The following NHS variants were observed in gnomAD, a reference collection of about 807,000 sequenced individuals.
NHS encodes the protein actin remodeling regulator NHS.
NHS carries 5 observed loss-of-function variants against 72.5 expected under a neutral mutation model. That is an observed-to-expected ratio of 0.07 (90% CI 0.04 to 0.14). NHS has a LOEUF of 0.14. NHS is among the 10% of genes least tolerant of loss of function. The probability of loss-of-function intolerance (pLI) is 1.00; values close to 1 mark genes in which losing one functional copy is unlikely to be tolerated. For missense variants in NHS, 1,072 were observed against 1,355.7 expected (o/e 0.79, Z 3.29); for synonymous variants, 464 against 547.7 (o/e 0.85, Z 2.13).
intron 3 of NHS, among the ~76,000 whole-genome samples, chrX:17,698,514 A>G (rs1394993347): frequency 8.9e-6 from 1 of 111,782 alleles, no homozygotes; most frequent in Non-Finnish European, 1.9e-5. Context: ...GAATTCTACT[A>G]AACCTTCAAA....
intron 1 of NHS, among the ~76,000 whole-genome samples, chrX:17,470,042 A>T (rs1028437801): frequency 3.6e-5 from 4 of 111,451 alleles, no homozygotes; most frequent in African/African-American, 1.3e-4. Flanking sequence ...AGGCCTACAC[A>T]GCAGACTGGG....
chrX:17,674,235 A>T (rs1172025468), intron 1 of NHS, among the ~76,000 whole-genome samples: 1 of 111,697 alleles, frequency 9.0e-6, no homozygotes, highest in East Asian at 2.8e-4. Context: ...GCGACCCTCT[A>T]GAATCAGTTG....
chrX:17,472,339 C>T (rs2064895893), intron 1 of NHS, among the ~76,000 whole-genome samples: 1 of 110,133 alleles, frequency 9.1e-6, no homozygotes, highest in African/African-American at 3.3e-5. Context: ...CAGAGAGAGA[C>T]AGAGACAGAG....
rs1162718106 is a variant in NHS, at chrX:17,732,164, C to T, written c.4656C>T (p.Leu1552=). Residue 1552 remains leucine (L), a synonymous_variant, in exon 9 of 9, where the codon CTC becomes CTT. Transcript: ENST00000676302. ...SPILPKPPGE[L]TAESPQSTDD... ...TACTGCCCAAACCTCCTGGGGAGCT[C>T]ACAGCAGAGTCCCCTCAGAGCACCG... 5.0e-6 allele frequency: 6 copies of T among 1,211,955 alleles called. No individual in the cohort carries two copies. The highest frequency in any genetic ancestry group is 5.6e-6 in the Non-Finnish European group (5 of 895,483).
At chrX:17,408,181 T>A (rs1441475519) in intron 1 of NHS, among the ~76,000 whole-genome samples, 2 of 110,667 alleles carry the variant, frequency 1.8e-5, no homozygotes, top group East Asian at 5.7e-4. Flanking sequence ...AATTTTTGTA[T>A]TTTTTGTAGA....
At chrX:17,577,273 G>A (rs1036040564) in intron 1 of NHS, among the ~76,000 whole-genome samples, 5 of 111,890 alleles carry the variant, frequency 4.5e-5, no homozygotes, top group African/African-American at 1.6e-4. Context: ...AATTATGATG[G>A]ATCCATTCAA....
chrX:17,568,520 C>CTTT (rs201549928), intron 1 of NHS, among the ~76,000 whole-genome samples: 3 of 97,900 alleles, frequency 3.1e-5, no homozygotes, highest in East Asian at 3.1e-4. Context: ...CTAAGTAAAT[C>CTTT]TTTTTTTTTT....
chrX:17,647,782 A>G (rs1296956161), intron 1 of NHS, among the ~76,000 whole-genome samples: 1 of 111,682 alleles, frequency 9.0e-6, no homozygotes, highest in Non-Finnish European at 1.9e-5. Flanking sequence ...GCTCTGAGCC[A>G]TTCACCTTGG....
At chrX:17,513,566 C>A (rs182587627) in intron 1 of NHS, among the ~76,000 whole-genome samples, 1 of 112,266 alleles carries the variant, frequency 8.9e-6, no homozygotes, top group Non-Finnish European at 1.9e-5. Context: ...CCACCCTAGA[C>A]CTCCTGAATC....
intron 1 of NHS, among the ~76,000 whole-genome samples, chrX:17,574,004 G>T (rs1601780801): frequency 9.0e-6 from 1 of 111,585 alleles, no homozygotes; most frequent in Admixed American, 9.5e-5. Flanking sequence ...GGTTTCACCA[G>T]CAGAAGCTGC....
rs189687959 is a variant in NHS at position 17,726,838 on chromosome X, A to G, written c.2732A>G (p.Glu911Gly). 149 of 1,210,313 alleles carry G rather than the reference A, an allele frequency of 1.2e-4. 1 individual carries two copies. The East Asian group carries it at 4.4e-3, about 35-fold the overall frequency. The part of the protein sequence containing the change: ...MENANLPTKQ[E>G]PSWINQSEQG... ...AACGCCAATCTTCCCACCAAGCAGG[A>G]ACCTTCTTGGATAAACCAGAGTGAA... The change falls in exon 7 of 9, where the codon GAA becomes GGA. Residue 911 changes from glutamate (E) to glycine (G), a missense_variant. Physicochemically the swap from Glu to Gly is moderately conservative, Grantham distance 98. Coordinates refer to ENST00000676302, the MANE Select transcript of NHS (RefSeq NM_001291867.2).
At chrX:17,498,240 CA>C (rs1380127854) in intron 1 of NHS, among the ~76,000 whole-genome samples, 1 of 111,991 alleles carries the variant, frequency 8.9e-6, no homozygotes, top group Non-Finnish European at 1.9e-5. Context: ...ACGCCACCAG[CA>C]GGGTATGAGA....
intron 1 of NHS, among the ~76,000 whole-genome samples, chrX:17,487,629 G>A (rs1373070019): frequency 1.8e-5 from 2 of 111,398 alleles, no homozygotes; most frequent in Admixed American, 1.9e-4. Flanking sequence ...CTATGTGTCT[G>A]GTTACAGGCT....
chrX:17,600,733 G>A (rs1378952869), intron 1 of NHS, among the ~76,000 whole-genome samples: 1 of 110,934 alleles, frequency 9.0e-6, no homozygotes, highest in Non-Finnish European at 1.9e-5. Context: ...AGTGAATGGT[G>A]AGTGGGGGAG....
At chrX:17,460,577 T>A (rs964741078) in intron 1 of NHS, among the ~76,000 whole-genome samples, 1 of 111,585 alleles carries the variant, frequency 9.0e-6, no homozygotes, top group African/African-American at 3.3e-5. Flanking sequence ...TCACCTCTTA[T>A]GCCCATTTAC....
intron 1 of NHS, among the ~76,000 whole-genome samples, chrX:17,685,297 G>A (rs2066155362): frequency 9.0e-6 from 1 of 111,667 alleles, no homozygotes; most frequent in Non-Finnish European, 1.9e-5. Context: ...TGAGTGAAAT[G>A]TTCACCTGCT....
chrX:17,509,492 G>A (rs1035362771), intron 1 of NHS, among the ~76,000 whole-genome samples: 1 of 112,410 alleles, frequency 8.9e-6, no homozygotes, highest in Non-Finnish European at 1.9e-5. Flanking sequence ...CCCCCAAAGT[G>A]CTGGGATTAC....
At chrX:17,571,349 C>G (rs1379716297) in intron 1 of NHS, among the ~76,000 whole-genome samples, 1 of 112,022 alleles carries the variant, frequency 8.9e-6, no homozygotes, top group Non-Finnish European at 1.9e-5. Flanking sequence ...ATTTCAGAAC[C>G]TGTTATTGGT....
At chrX:17,463,374 T>G (rs866999346) in intron 1 of NHS, among the ~76,000 whole-genome samples, 1 of 103,497 alleles carries the variant, frequency 9.7e-6, no homozygotes. Flanking sequence ...ATGGTGGGGT[T>G]TTTTTTTTTC....
Sources: gnomAD v4.1 joint callset for allele counts (sites outside exome capture counted in the v4.1 genomes callset) on GRCh38, gnomAD v4.1.1 for gene constraint, MANE v1.5 for transcripts, NCBI Gene and HGNC (gene_info 2026-07-23, HGNC 2026-07-21) for gene names.